The following MANBA variants were observed in gnomAD, a reference collection of about 807,000 sequenced individuals.
The protein encoded by MANBA is beta-mannosidase.
MANBA carries 83 observed loss-of-function variants against 111.1 expected under a neutral mutation model. The ratio of observed to expected loss-of-function variants is 0.75; its 90% CI spans 0.63 to 0.90. The LOEUF (loss-of-function observed/expected upper bound fraction) is 0.90, where lower values mean the gene tolerates loss of function less well. MANBA is among the 40% of genes least tolerant of loss of function. The probability of loss-of-function intolerance (pLI) is 0.00; values close to 1 mark genes in which losing one functional copy is unlikely to be tolerated. For synonymous variants in MANBA, 370 were observed against 378.7 expected (o/e 0.98, Z 0.27); for missense variants, 1,036 against 1,069.0 (o/e 0.97, Z 0.43).
At chr4:102,716,017 A>T (rs1237616736) in intron 4 of MANBA, among the ~76,000 whole-genome samples, 1 of 152,136 alleles carries the variant, frequency 6.6e-6, no homozygotes, top group Non-Finnish European at 1.5e-5. Flanking sequence ...AATAATTAAA[A>T]AGAATGAGGA....
intron 2 of MANBA, among the ~76,000 whole-genome samples, chr4:102,725,220 C>G (rs537205789): frequency 6.6e-6 from 1 of 152,040 alleles, no homozygotes; most frequent in African/African-American, 2.4e-5. Context: ...GAATTATATA[C>G]CTTAAATGAC....
chr4:102,663,918 A>G (rs1731083744), intron 11 of MANBA, among the ~76,000 whole-genome samples: 1 of 152,220 alleles, frequency 6.6e-6, no homozygotes, highest in South Asian at 2.1e-4. Context: ...AAAGAGAACC[A>G]CTATAGAGCA....
At chr4:102,651,269 A>G (rs1199249856) in intron 12 of MANBA, among the ~76,000 whole-genome samples, 1 of 152,088 alleles carries the variant, frequency 6.6e-6, no homozygotes, top group African/African-American at 2.4e-5. Context: ...AGTTGAAGAC[A>G]CAAACCAAAT....
intron 13 of MANBA, among the ~76,000 whole-genome samples, chr4:102,645,019 C>G (rs971767376): frequency 1.2e-4 from 18 of 151,840 alleles, no homozygotes; most frequent in African/African-American, 3.6e-4. Flanking sequence ...TTGTCATTAC[C>G]ACACTGTCCT....
rs562546172 is a variant in MANBA at position 102,657,962 on chromosome 4, T to G, written c.1486-62A>C. ...ATTCATCCTGTAAAGTATGTATCAT[T>G]TACTTCTTTAAAAATACTAACAAGT... On this transcript the variant is annotated intron_variant, in intron 11 of 16. Coordinates refer to ENST00000647097, the MANE Select transcript of MANBA (RefSeq NM_005908.4). 45 of 1,238,070 alleles carry G rather than the reference T, an allele frequency of 3.6e-5. No individual in the cohort carries two copies. The African/African-American group carries it at 6.1e-4, about 17-fold the overall frequency. The allele number at this position is 1,238,070 out of a possible 1,614,324, so 76.7% of individuals were successfully genotyped here. A position where few individuals can be genotyped will look rare whatever the true frequency, so the allele number is the denominator to read the frequency against.
chr4:102,743,964 C>T (rs1723502250), intron 1 of MANBA, among the ~76,000 whole-genome samples: 1 of 152,200 alleles, frequency 6.6e-6, no homozygotes, highest in South Asian at 2.1e-4. Context: ...CCACTGATAC[C>T]TCAAGCACAA....
chr4:102,648,019 C>T (rs1208529827), intron 13 of MANBA, among the ~76,000 whole-genome samples: 1 of 152,036 alleles, frequency 6.6e-6, no homozygotes, highest in African/African-American at 2.4e-5. Context: ...TAGGCTTTTA[C>T]CTCCTCTCTA....
intron 13 of MANBA, among the ~76,000 whole-genome samples, chr4:102,647,920 C>T (rs913805064): frequency 1.3e-5 from 2 of 152,068 alleles, no homozygotes; most frequent in Non-Finnish European, 2.9e-5. Flanking sequence ...AAAATTCATA[C>T]ATTTTTAGAT....
At chr4:102,689,123 T>C (rs1359979719) in intron 7 of MANBA, among the ~76,000 whole-genome samples, 1 of 152,104 alleles carries the variant, frequency 6.6e-6, no homozygotes. Context: ...GCCAAGGCAG[T>C]AGATCACTTG....
chr4:102,655,572 T>C (rs571033254), intron 12 of MANBA, among the ~76,000 whole-genome samples: 12 of 152,192 alleles, frequency 7.9e-5, no homozygotes, highest in Non-Finnish European at 1.8e-4. Flanking sequence ...TTTTAATACA[T>C]GCTATTGGAA....
intron 10 of MANBA, chr4:102,665,883 CAAG>C (rs1226197934): frequency 6.6e-6 from 1 of 152,214 alleles, no homozygotes; most frequent in Non-Finnish European, 1.5e-5. Flanking sequence ...GTTCTCCATT[CAAG>C]AAGCTCAGAA....
At chr4:102,757,952 A>G (rs1724090561) in intron 1 of MANBA, among the ~76,000 whole-genome samples, 1 of 152,148 alleles carries the variant, frequency 6.6e-6, no homozygotes, top group African/African-American at 2.4e-5. Flanking sequence ...GAAACTTGTC[A>G]AGCTCGTGCC....
In MANBA at chr4:102,719,238, G is replaced by A. The variant is rs192953444; in HGVS notation, c.549+3633C>T. 5.5e-4 allele frequency among the ~76,000 whole-genome samples: 83 copies of A among 152,176 alleles called. 1 individual carries two copies. The highest frequency in any genetic ancestry group is 2.0e-3 in the African/African-American group (82 of 41,502). ...CCTTCCCCAGGGTTACTCCTTGCTG[G>A]GAAAAGAATTCAGCGATATTTCTCC... On this transcript the variant is annotated intron_variant, in intron 4 of 16. Coordinates refer to ENST00000647097, the MANE Select transcript of MANBA (RefSeq NM_005908.4).
At position 102,688,443 on chromosome 4, in the gene MANBA, G is replaced by A. The variant is rs539291543; in HGVS notation, c.960+1131C>T. On this transcript the variant is annotated intron_variant, in intron 7 of 16. Coordinates refer to ENST00000647097, the MANE Select transcript of MANBA (RefSeq NM_005908.4). ...TTCACAGTGTCTCAGAAAATACACAGCATGATTGAACAAAAGAAAAACAGA... is the reference window on the plus strand; with the variant it reads ...TTCACAGTGTCTCAGAAAATACACAACATGATTGAACAAAAGAAAAACAGA... 7.6e-5 allele frequency among the ~76,000 whole-genome samples: 11 copies of A among 144,560 alleles called. No individual in the cohort carries two copies. The South Asian group carries it at 2.2e-3, about 29-fold the overall frequency. The allele number at this position is 144,560 out of a possible 152,430, so 94.8% of individuals were successfully genotyped here.
At chr4:102,728,463 G>A in intron 1 of MANBA, 1 of 402,278 alleles carries the variant, frequency 2.5e-6, no homozygotes, top group South Asian at 1.9e-5. Flanking sequence ...TCTTTGTATG[G>A]TTTTTCGGAA....
chr4:102,674,587 G>A (rs1731645747), intron 7 of MANBA, among the ~76,000 whole-genome samples: 1 of 152,156 alleles, frequency 6.6e-6, no homozygotes, highest in African/African-American at 2.4e-5. Flanking sequence ...TAAACTCAAT[G>A]TTTGAGCACG....
At chr4:102,664,427 C>G (rs1467003377) in intron 11 of MANBA, among the ~76,000 whole-genome samples, 3 of 151,978 alleles carry the variant, frequency 2.0e-5, no homozygotes, top group Admixed American at 1.3e-4. Flanking sequence ...CGGCTCACTG[C>G]AAGCTCTACC....
chr4:102,706,708 A>G (rs1426712507), intron 5 of MANBA, among the ~76,000 whole-genome samples: 2 of 152,196 alleles, frequency 1.3e-5, no homozygotes, highest in Admixed American at 6.5e-5. Context: ...AAATCAGAAA[A>G]ACAATTCAAA....
In MANBA at chr4:102,723,031, A is replaced by G. The variant is rs1722648736; in HGVS notation, c.389T>C (p.Ile130Thr). 6.2e-7 allele frequency: 1 copy of G among 1,613,768 alleles called. No individual in the cohort carries two copies. ...DNMFNRYSFD[I>T]TNVVRDVNSI... is the part of the protein sequence containing the mutation. ...GTTCACGTCCCTGACCACGTTGGTA[A>G]TATCAAAGCTCTAAGTTAAAGGGAA... The change falls in exon 4 of 17, where the codon ATT becomes ACT. Residue 130 changes from isoleucine to threonine, a missense_variant. By Grantham distance (89) the Ile-to-Thr change is moderately conservative (BLOSUM62 -1). Transcript: ENST00000647097.
Sources: allele counts gnomAD v4.1 joint callset (sites outside exome capture counted in the v4.1 genomes callset), GRCh38; gene constraint gnomAD v4.1.1; transcripts MANE v1.5; gene names NCBI Gene and HGNC (gene_info 2026-07-23, HGNC 2026-07-21).